TICAM2: variants seen among roughly 807,000 people sequenced by gnomAD.
TICAM2 encodes the protein TIR domain containing adaptor molecule 2.
In TICAM2, 8 loss-of-function variants were observed where a neutral mutation model predicts 7.3. That is an observed-to-expected ratio of 1.10 (90% CI 0.65 to 1.99). The LOEUF (loss-of-function observed/expected upper bound fraction) is 1.99. TICAM2 is among the 30% of genes most tolerant of loss of function. TICAM2 has a pLI of 0.00. For synonymous variants in TICAM2, 113 were observed against 99.6 expected (o/e 1.13, Z -0.80); for missense variants, 304 against 278.8 (o/e 1.09, Z -0.65).
chr5:115,592,737 C>CA (rs1429010199), intron 1 of TICAM2, among the ~76,000 whole-genome samples: 2 of 152,010 alleles, frequency 1.3e-5, no homozygotes, highest in African/African-American at 4.8e-5. Flanking sequence ...ATTATTACTT[C>CA]AAAAATCACA....
chr5:115,596,468 C>G (rs1755515016), intron 1 of TICAM2, among the ~76,000 whole-genome samples: 1 of 152,206 alleles, frequency 6.6e-6, no homozygotes, highest in African/African-American at 2.4e-5. Context: ...CTCCAGCTCC[C>G]TGCACATGGG....
intron 1 of TICAM2, among the ~76,000 whole-genome samples, chr5:115,589,126 A>G (rs1284590597): frequency 6.6e-6 from 1 of 152,236 alleles, no homozygotes; most frequent in East Asian, 1.9e-4. Flanking sequence ...ATGTCCCTTC[A>G]TTGATGTATT....
chr5:115,580,552 G>C lies in TICAM2; in HGVS notation c.705C>G (p.Ala235=). The C allele has an allele frequency of 6.3e-7, 1 of 1,587,876 alleles. No homozygotes were observed. Among genetic ancestry groups the C allele is most frequent in the Non-Finnish European group, 8.5e-7 (1 of 1,170,976 alleles). The change falls in exon 2 of 2, where the codon GCC becomes GCG. Residue 235 remains alanine, a synonymous_variant. Transcript: ENST00000427199. The part of the protein sequence containing the change: ...TRNMVQRQFI[A] Reference sequence around the variant, plus strand: ...GCCACATGTTATATGTTTCATCTCAGGCAATAAATTGTCTTTGTACCATAT... The same window carrying C: ...GCCACATGTTATATGTTTCATCTCACGCAATAAATTGTCTTTGTACCATAT...
chr5:115,596,993 T>C (rs1755537055), intron 1 of TICAM2, among the ~76,000 whole-genome samples: 5 of 152,182 alleles, frequency 3.3e-5, no homozygotes, highest in Admixed American at 3.3e-4. Context: ...AAAGTACTTC[T>C]GCAAGAACAA....
At chr5:115,589,220 C>T (rs1184546900) in intron 1 of TICAM2, among the ~76,000 whole-genome samples, 1 of 152,208 alleles carries the variant, frequency 6.6e-6, no homozygotes, top group Non-Finnish European at 1.5e-5. Flanking sequence ...ACAATATTTA[C>T]TCCTTGGCCC....
At chr5:115,600,068 A>T (rs1027018003) in intron 1 of TICAM2, among the ~76,000 whole-genome samples, 13 of 152,166 alleles carry the variant, frequency 8.5e-5, no homozygotes, top group Admixed American at 7.2e-4. Context: ...AGATCTGGGT[A>T]GAGTCAACAG....
intron 1 of TICAM2, among the ~76,000 whole-genome samples, chr5:115,597,093 T>C (rs1278569102): frequency 1.3e-5 from 2 of 152,216 alleles, no homozygotes; most frequent in African/African-American, 4.8e-5. Context: ...AACAATTATG[T>C]AAACCTCCTC....
intron 1 of TICAM2, among the ~76,000 whole-genome samples, chr5:115,595,475 T>C (rs994103310): frequency 6.6e-6 from 1 of 152,184 alleles, no homozygotes; most frequent in Admixed American, 6.5e-5. Context: ...ACCTATATTA[T>C]TCCTCCTTAG....
At chr5:115,590,552 T>A (rs1755263149) in intron 1 of TICAM2, among the ~76,000 whole-genome samples, 3 of 152,242 alleles carry the variant, frequency 2.0e-5, no homozygotes. Flanking sequence ...TTTCAGGGGA[T>A]ACATTGTATT....
chr5:115,593,937 G>T (rs1293841147), intron 1 of TICAM2, among the ~76,000 whole-genome samples: 1 of 152,222 alleles, frequency 6.6e-6, no homozygotes, highest in South Asian at 2.1e-4. Flanking sequence ...TAGGAAAAAT[G>T]ATTGTAGACC....
chr5:115,596,221 C>T (rs1305110171), intron 1 of TICAM2, among the ~76,000 whole-genome samples: 3 of 152,132 alleles, frequency 2.0e-5, no homozygotes, highest in Non-Finnish European at 4.4e-5. Flanking sequence ...ATGTCTCTAT[C>T]CTGGTCTTCT....
Position 115,581,259 on chromosome 5 carries a change from TA to T in TICAM2, c.-4del, listed in dbSNP as rs766692465. 5 of 1,605,450 alleles carry T rather than the reference TA, an allele frequency of 3.1e-6. No individual in the cohort carries two copies. In the South Asian group the frequency reaches 5.5e-5, roughly 18 times the overall value. On this transcript the variant is annotated 5_prime_UTR_variant, in exon 2 of 2. Transcript: ENST00000427199. The stretch of plus-strand genomic sequence containing the variant: ...ATTTTAGACTTCCCGATACCCATTA[TA>T]AATATCCAAGGCAGAAGAGGAAAAC...
At chr5:115,589,326 C>G (rs1028097491) in intron 1 of TICAM2, among the ~76,000 whole-genome samples, 3 of 152,156 alleles carry the variant, frequency 2.0e-5, no homozygotes, top group African/African-American at 7.2e-5. Flanking sequence ...TCCACGCCAG[C>G]CAGATAAGAA....
chr5:115,590,072 G>A (rs1185242181), intron 1 of TICAM2, among the ~76,000 whole-genome samples: 3 of 152,110 alleles, frequency 2.0e-5, no homozygotes, highest in Non-Finnish European at 2.9e-5. Flanking sequence ...ATAGGGTCTG[G>A]TGCAGTTGTC....
chr5:115,580,656 C>T lies in TICAM2; in HGVS notation c.601G>A (p.Gly201Arg), dbSNP rs578012204. Residue 201 changes from glycine (G) to arginine (R), a missense_variant, in exon 2 of 2, where the codon GGA (glycine) becomes AGA (arginine). Transcript: ENST00000427199. ...TINALEEESRGFPTQVERIFQ... is the reference protein window; with the variant it reads ...TINALEEESRRFPTQVERIFQ... ...ATTCTTTCTACTTGTGTAGGAAATC[C>T]ACGACTTTCTTCCTCTAAGGCATTG... 77 of 1,580,146 alleles carry T rather than the reference C, an allele frequency of 4.9e-5. No homozygotes were observed. In the South Asian group the frequency reaches 8.5e-4, roughly 18 times the overall value.
chr5:115,592,109 G>T (rs559836795), intron 1 of TICAM2, among the ~76,000 whole-genome samples: 1 of 152,090 alleles, frequency 6.6e-6, no homozygotes, highest in Non-Finnish European at 1.5e-5. Flanking sequence ...TAGCTTTAAC[G>T]TGATGAAAGA....
chr5:115,598,171 A>T (rs1184045540), intron 1 of TICAM2, among the ~76,000 whole-genome samples: 1 of 152,152 alleles, frequency 6.6e-6, no homozygotes, highest in Non-Finnish European at 1.5e-5. Flanking sequence ...ATTGTCAACA[A>T]TTATGTCAAT....
rs1423546975 is a variant in TICAM2, at chr5:115,579,946, T to C, written c.*603A>G. ...TGGGCTGTGAATCGGTGGTGGGAAATGCCTCCAAATATGCAGATTTCAGCA... is the reference window on the plus strand; with the variant it reads ...TGGGCTGTGAATCGGTGGTGGGAAACGCCTCCAAATATGCAGATTTCAGCA... On this transcript the variant is annotated 3_prime_UTR_variant, in exon 2 of 2. Transcript: ENST00000427199. The C allele has an allele frequency of 6.6e-6, 1 of 152,198 alleles. No homozygotes were observed. The highest frequency in any genetic ancestry group is 1.5e-5 in the Non-Finnish European group (1 of 68,058). 9.4% of individuals were successfully genotyped at this position (152,198 alleles called of 1,614,324 possible).
intron 1 of TICAM2, among the ~76,000 whole-genome samples, chr5:115,601,292 C>T (rs1274589822): frequency 1.4e-5 from 2 of 146,332 alleles, no homozygotes; most frequent in Non-Finnish European, 3.0e-5. Flanking sequence ...AATAGAAATA[C>T]AGATTCTGGA....
Sources: allele counts gnomAD v4.1 joint callset (sites outside exome capture counted in the v4.1 genomes callset), GRCh38; gene constraint gnomAD v4.1.1; transcripts MANE v1.5; gene names NCBI Gene and HGNC (gene_info 2026-07-23, HGNC 2026-07-21).